The following GRID2 variants were observed in gnomAD, a reference collection of about 807,000 sequenced individuals.
The protein encoded by GRID2 is glutamate ionotropic receptor delta type subunit 2.
In GRID2, 33 loss-of-function variants were observed where a neutral mutation model predicts 114.8. That is an observed-to-expected ratio of 0.29 (90% CI 0.22 to 0.38). GRID2 has a LOEUF of 0.38. Among genes scored for constraint, GRID2 ranks in the 10% least tolerant of loss-of-function variants. The probability of loss-of-function intolerance (pLI) is 1.00; values close to 1 mark genes in which losing one functional copy is unlikely to be tolerated. For missense variants in GRID2, 1,184 were observed against 1,257.7 expected (o/e 0.94, Z 0.89); for synonymous variants, 505 against 449.9 (o/e 1.12, Z -1.55).
intron 1 of GRID2, among the ~76,000 whole-genome samples, chr4:92,384,517 TTATATAATATAATATATAATATAA>T (rs71598445): frequency 2.8e-5 from 1 of 36,216 alleles, no homozygotes; most frequent in Non-Finnish European, 4.6e-5. Context: ...ATATATAATA[TTATATAATATAATATATAATATAA>T]TATATAATAT....
At chr4:92,781,457 C>G (rs957054032) in intron 2 of GRID2, among the ~76,000 whole-genome samples, 2 of 151,930 alleles carry the variant, frequency 1.3e-5, no homozygotes, top group South Asian at 4.1e-4. Flanking sequence ...GCAATATAAA[C>G]TTAATTATTT....
intron 1 of GRID2, among the ~76,000 whole-genome samples, chr4:92,511,846 T>C (rs1724266267): frequency 6.6e-6 from 1 of 151,830 alleles, no homozygotes; most frequent in Non-Finnish European, 1.5e-5. Flanking sequence ...GTTTAATGAT[T>C]TTAACTATGT....
chr4:93,489,803 A>C (rs1580227964), intron 11 of GRID2, among the ~76,000 whole-genome samples: 1 of 151,930 alleles, frequency 6.6e-6, no homozygotes, highest in Admixed American at 6.6e-5. Flanking sequence ...GGCTTGAAGG[A>C]GAGTTAATTT....
chr4:93,364,333 A>C (rs1762143285), intron 8 of GRID2, among the ~76,000 whole-genome samples: 1 of 152,132 alleles, frequency 6.6e-6, no homozygotes, highest in Admixed American at 6.6e-5. Flanking sequence ...TAAAAAAATC[A>C]ATTTTGCCTG....
intron 1 of GRID2, among the ~76,000 whole-genome samples, chr4:92,422,864 G>A (rs1731972435): frequency 6.6e-6 from 1 of 152,130 alleles, no homozygotes; most frequent in Non-Finnish European, 1.5e-5. Context: ...TACCATCTTT[G>A]TTTTAAACTA....
At chr4:92,806,560 T>A (rs1740425342) in intron 2 of GRID2, among the ~76,000 whole-genome samples, 1 of 151,916 alleles carries the variant, frequency 6.6e-6, no homozygotes. Flanking sequence ...TGTATCTTAT[T>A]TGAAATTTAT....
intron 2 of GRID2, among the ~76,000 whole-genome samples, chr4:92,902,073 G>A (rs962280640): frequency 6.6e-6 from 1 of 151,992 alleles, no homozygotes; most frequent in Admixed American, 6.6e-5. Context: ...AAAAGTAATT[G>A]TGGTTTTGCC....
At chr4:92,307,768 C>A (rs554656393) in intron 1 of GRID2, among the ~76,000 whole-genome samples, 1 of 152,276 alleles carries the variant, frequency 6.6e-6, no homozygotes, top group South Asian at 2.1e-4. Context: ...CACATCCACA[C>A]ACAGATACAC....
chr4:92,683,936 A>G (rs1397903704), intron 2 of GRID2, among the ~76,000 whole-genome samples: 1 of 151,986 alleles, frequency 6.6e-6, no homozygotes, highest in Non-Finnish European at 1.5e-5. Context: ...TTTTTAACAT[A>G]TCTCTCTTTA....
At chr4:92,685,227 T>C (rs1733842317) in intron 2 of GRID2, among the ~76,000 whole-genome samples, 1 of 152,088 alleles carries the variant, frequency 6.6e-6, no homozygotes, top group African/African-American at 2.4e-5. Context: ...AACATTGTTC[T>C]GAACTGTATA....
intron 2 of GRID2, among the ~76,000 whole-genome samples, chr4:93,063,726 T>C (rs1349310628): frequency 7.2e-5 from 11 of 151,852 alleles, no homozygotes; most frequent in Non-Finnish European, 1.5e-5. Context: ...GCTTACATCT[T>C]TCAAAAATTT....
intron 1 of GRID2, among the ~76,000 whole-genome samples, chr4:92,586,157 A>T (rs534054990): frequency 1.3e-5 from 2 of 152,062 alleles, no homozygotes; most frequent in East Asian, 3.9e-4. Flanking sequence ...CTAATTGATA[A>T]GGACTACCTC....
intron 13 of GRID2, among the ~76,000 whole-genome samples, chr4:93,591,501 A>T (rs1738302522): frequency 6.6e-6 from 1 of 152,172 alleles, no homozygotes; most frequent in South Asian, 2.1e-4. Flanking sequence ...CATCAGGGAT[A>T]TGGGTCTAAA....
At chr4:92,600,042 GTGTA>G (rs1240890361) in intron 2 of GRID2, among the ~76,000 whole-genome samples, 496 of 70,286 alleles carry the variant, frequency 7.1e-3, no homozygotes, top group Middle Eastern at 0.022. Flanking sequence ...GTGTGTGTGT[GTGTA>G]TATATATATA....
At chr4:92,675,312 G>A (rs941988566) in intron 2 of GRID2, among the ~76,000 whole-genome samples, 2 of 152,144 alleles carry the variant, frequency 1.3e-5, no homozygotes, top group Admixed American at 6.5e-5. Context: ...AGTAGCTCTT[G>A]TCTGTCATGC....
At chr4:92,333,533 C>T (rs1244706618) in intron 1 of GRID2, among the ~76,000 whole-genome samples, 3 of 152,134 alleles carry the variant, frequency 2.0e-5, no homozygotes, top group Non-Finnish European at 4.4e-5. Flanking sequence ...GGTTTGCTCT[C>T]CTAAATAAGC....
At chr4:92,684,831 C>T (rs142831568) in intron 2 of GRID2, among the ~76,000 whole-genome samples, 10 of 152,032 alleles carry the variant, frequency 6.6e-5, no homozygotes, top group African/African-American at 1.4e-4. Context: ...TGAAATATCC[C>T]GAATCAAGCA....
At chr4:93,311,844 ATTAATC>A (rs1756052209) in intron 8 of GRID2, among the ~76,000 whole-genome samples, 1 of 152,214 alleles carries the variant, frequency 6.6e-6, no homozygotes, top group Admixed American at 6.5e-5. Context: ...CAAGGTCATT[ATTAATC>A]TTAGCGTGAG....
intron 1 of GRID2, among the ~76,000 whole-genome samples, chr4:92,571,201 T>G (rs558733906): frequency 6.6e-6 from 1 of 152,284 alleles, no homozygotes; most frequent in Admixed American, 6.5e-5. Context: ...TCTATTGAGA[T>G]AATCACATGG....
Sources: gnomAD v4.1 joint callset for allele counts (sites outside exome capture counted in the v4.1 genomes callset) on GRCh38, gnomAD v4.1.1 for gene constraint, MANE v1.5 for transcripts, NCBI Gene and HGNC (gene_info 2026-07-23, HGNC 2026-07-21) for gene names.